Variants in LMAN2 observed in about 807,000 individuals in gnomAD.
The protein encoded by LMAN2 is lectin, mannose binding 2, also known as vesicular integral-membrane protein VIP36.
Under a neutral mutation model 39.3 loss-of-function variants are expected in LMAN2, and 22 were observed. The observed-to-expected ratio is 0.56, with a 90% CI of 0.40 to 0.80. The LOEUF (loss-of-function observed/expected upper bound fraction) is 0.80. Among genes scored for constraint, LMAN2 ranks in the 30% least tolerant of loss-of-function variants. The pLI is 0.00. For synonymous variants in LMAN2, 207 were observed against 207.8 expected, an observed-to-expected ratio of 1.00 and a Z score of 0.03; for missense variants, 494 against 505.4, an observed-to-expected ratio of 0.98 and a Z score of 0.22.
chr5:177,336,108 AAAAT>A (rs1449369652), intron 6 of LMAN2, among the ~76,000 whole-genome samples: 1 of 152,158 alleles, frequency 6.6e-6, no homozygotes, highest in African/African-American at 2.4e-5. Flanking sequence ...ATTATGAAGA[AAAAT>A]AAAGCCAGCA....
chr5:177,332,020 T>C lies in LMAN2; in HGVS notation c.*66A>G, dbSNP rs1761391784. 6.9e-7 allele frequency: 1 copy of C among 1,440,944 alleles called. No individual in the cohort carries two copies. Among genetic ancestry groups the C allele is most frequent in the Non-Finnish European group, 9.4e-7 (1 of 1,061,698 alleles). The allele number at this position is 1,440,944 out of a possible 1,614,324, so 89.3% of individuals were successfully genotyped here. A position where few individuals can be genotyped will look rare whatever the true frequency, so the allele number is the denominator to read the frequency against. On this transcript the variant is annotated 3_prime_UTR_variant, in exon 8 of 8. Coordinates refer to ENST00000303127, the MANE Select transcript of LMAN2 (RefSeq NM_006816.3). This position sits in a 1 kb window ranked among gnomAD's most constrained non-coding sequence, Gnocchi z 6.3. ...AGGTCATCTTGTTGTTCTTTTATAA[T>C]CCCGGTAAAAAAAAAAGTTCACATT... is the stretch of plus-strand genomic sequence containing the variant.
chr5:177,348,000 T>G (rs892044913), intron 2 of LMAN2, among the ~76,000 whole-genome samples: 11 of 152,044 alleles, frequency 7.2e-5, no homozygotes, highest in African/African-American at 2.7e-4. Context: ...CAACTACTAT[T>G]TAAGAGAACA....
Position 177,332,005 on chromosome 5 carries a change from G to A in LMAN2, c.*81C>T. On this transcript the variant is annotated 3_prime_UTR_variant, in exon 8 of 8. Coordinates refer to ENST00000303127, the MANE Select transcript of LMAN2 (RefSeq NM_006816.3). This position sits in a 1 kb window ranked among gnomAD's most constrained non-coding sequence, Gnocchi z 6.3. ...AACAGTTAAGAAATAAGGTCATCTTGTTGTTCTTTTATAATCCCGGTAAAA... is the reference window on the plus strand; with the variant it reads ...AACAGTTAAGAAATAAGGTCATCTTATTGTTCTTTTATAATCCCGGTAAAA... The A allele has an allele frequency of 2.2e-6, 3 of 1,351,360 alleles. No individual in the cohort carries two copies. Among genetic ancestry groups the A allele is most frequent in the Non-Finnish European group, 3.0e-6 (3 of 989,530 alleles). 83.7% of individuals were successfully genotyped at this position (1,351,360 alleles called of 1,614,324 possible).
Position 177,351,608 on chromosome 5 carries a change from G to GGCCCCA in LMAN2, c.34_39dup (p.Trp12_Gly13dup). The GGCCCCA allele has an allele frequency of 6.2e-7, 1 of 1,608,928 alleles. No homozygotes were observed. The highest frequency in any genetic ancestry group is 8.5e-7 in the Non-Finnish European group (1 of 1,178,316). ...AGCCCAGGCCTTCCCAGGCACCGCC[G>GGCCCCA]GCCCCAGCCCCAACGCCAAATCCAG... On this transcript the variant is annotated inframe_insertion, in exon 1 of 8. Coordinates refer to ENST00000303127, the MANE Select transcript of LMAN2 (RefSeq NM_006816.3).
Position 177,337,331 on chromosome 5 carries a change from C to T in LMAN2, c.675+32G>A, listed in dbSNP as rs1180107955. On this transcript the variant is annotated intron_variant, in intron 5 of 7. Coordinates refer to ENST00000303127, the MANE Select transcript of LMAN2 (RefSeq NM_006816.3). The surrounding 1 kb of genome is among the most constrained non-coding windows in gnomAD (Gnocchi z 8.2). ...CTCTGTGGGACCAGCACAGGGCCAC[C>T]AGCTGCCACCCCCACCGCCTAGCCT... is the stretch of plus-strand genomic sequence containing the variant. The T allele has an allele frequency of 4.3e-6, 7 of 1,610,206 alleles. No individual in the cohort carries two copies. The highest frequency in any genetic ancestry group is 5.9e-6 in the Non-Finnish European group (7 of 1,179,606).
At chr5:177,340,702 G>A (rs923337050) in intron 2 of LMAN2, among the ~76,000 whole-genome samples, 5 of 151,914 alleles carry the variant, frequency 3.3e-5, no homozygotes, top group African/African-American at 9.7e-5. Flanking sequence ...TCTGGGAGGT[G>A]GAGGTTGCAG....
intron 6 of LMAN2, chr5:177,336,893 C>A: frequency 3.5e-6 from 2 of 570,132 alleles, no homozygotes; most frequent in South Asian, 2.0e-5. Context: ...GCTCAGAAAC[C>A]ACAGGAACTG....
intron 2 of LMAN2, among the ~76,000 whole-genome samples, chr5:177,341,471 G>A (rs1470438269): frequency 6.6e-6 from 1 of 152,228 alleles, no homozygotes; most frequent in African/African-American, 2.4e-5. Context: ...GGCGGGAACA[G>A]CGGGAGCAAG....
At chr5:177,346,474 A>G in intron 2 of LMAN2, 1 of 258,484 alleles carries the variant, frequency 3.9e-6, no homozygotes, top group Non-Finnish European at 7.1e-6. Context: ...TTTTTTTTAA[A>G]AAAAGCAAGC....
Position 177,351,439 on chromosome 5 carries a change from C to T in LMAN2, c.196+13G>A. On this transcript the variant is annotated intron_variant, in intron 1 of 7. Coordinates refer to ENST00000303127, the MANE Select transcript of LMAN2 (RefSeq NM_006816.3). ...CCCTCACTCTTCACTCATTCCCGCC[C>T]CAAGGGCTTCACCTTGGTAGGGCTT... 5 of 1,610,888 alleles carry T rather than the reference C, an allele frequency of 3.1e-6. No individual in the cohort carries two copies. The highest frequency in any genetic ancestry group is 4.2e-6 in the Non-Finnish European group (5 of 1,178,050).
intron 2 of LMAN2, among the ~76,000 whole-genome samples, chr5:177,344,281 C>CT (rs59101629): frequency 0.018 from 1,445 of 82,306 alleles, 56 homozygotes; most frequent in African/African-American, 0.047. Context: ...CGCTTTGTTA[C>CT]TTTTTTTTTT....
chr5:177,337,695 C>A lies in LMAN2; in HGVS notation c.513+11G>T. The stretch of plus-strand genomic sequence containing the variant: ...TCCTTTCCTGCTCAGCAGGATAGAG[C>A]AGGGGCCTACCTCAGTGGTCTCATC... On this transcript the variant is annotated intron_variant, in intron 4 of 7. Transcript: ENST00000303127. The surrounding 1 kb of genome is among the most constrained non-coding windows in gnomAD (Gnocchi z 8.2). The A allele has an allele frequency of 6.2e-7, 1 of 1,613,524 alleles. No homozygotes were observed. Among genetic ancestry groups the A allele is most frequent in the Non-Finnish European group, 8.5e-7 (1 of 1,179,614 alleles).
intron 6 of LMAN2, among the ~76,000 whole-genome samples, chr5:177,336,176 GGCATCA>G (rs2127314586): frequency 6.6e-6 from 1 of 152,308 alleles, no homozygotes; most frequent in Non-Finnish European, 1.5e-5. Context: ...ATTCCACGAG[GGCATCA>G]GGGAAGGCCG....
chr5:177,334,296 T>C lies in LMAN2; in HGVS notation c.898A>G (p.Lys300Glu). The change falls in exon 7 of 8, where the codon AAG (lysine) becomes GAG (glutamate). Residue 300 changes from lysine (K) to glutamate (E), a missense_variant. Physicochemically the swap from Lys to Glu is moderately conservative, Grantham distance 56. Transcript: ENST00000303127. ...TKIEPSVNFL[K>E]SPKDNVDDPT... ...TGTGCACACGCACCTTTGGGCGACT[T>C]GAGGAAGTTGACGCTGGGCTCGATC... 1 of 1,612,168 alleles carries C rather than the reference T, an allele frequency of 6.2e-7. No individual in the cohort carries two copies. Among genetic ancestry groups the C allele is most frequent in the Non-Finnish European group, 8.5e-7 (1 of 1,179,886 alleles).
chr5:177,338,666 CA>C, intron 2 of LMAN2, 61 bp from the exon 3 acceptor site: 3 of 1,374,576 alleles, frequency 2.2e-6, no homozygotes, highest in Non-Finnish European at 3.1e-6. Context: ...AAGCTGGAGG[CA>C]ACCCCAGCAC....
Position 177,332,222 on chromosome 5 carries a change from T to C in LMAN2, c.935A>G (p.Asn312Ser), listed in dbSNP as rs1761397593. Reference protein sequence around the residue: ...PKDNVDDPTGNFRSGPLTGWR... With the variant: ...PKDNVDDPTGSFRSGPLTGWR... Reference sequence around the variant, plus strand: ...CCCCGTCAGGGGCCCGCTGCGGAAGTTCCCCGTGGGGTCGTCCACGTTGTC... The same window carrying C: ...CCCCGTCAGGGGCCCGCTGCGGAAGCTCCCCGTGGGGTCGTCCACGTTGTC... The change falls in exon 8 of 8, where the codon AAC (asparagine) becomes AGC (serine). Residue 312 changes from asparagine (N) to serine (S), a missense_variant. Asn to Ser is a conservative substitution (Grantham distance 46). Transcript: ENST00000303127. This position sits in a 1 kb window ranked among gnomAD's most constrained non-coding sequence, Gnocchi z 6.3. The C allele has an allele frequency of 6.2e-7, 1 of 1,612,968 alleles. No homozygotes were observed. The highest frequency in any genetic ancestry group is 8.5e-7 in the Non-Finnish European group (1 of 1,179,772).
chr5:177,348,544 T>C (rs1452466690), intron 2 of LMAN2, among the ~76,000 whole-genome samples: 2 of 151,874 alleles, frequency 1.3e-5, no homozygotes, highest in Non-Finnish European at 2.9e-5. Context: ...AAAAATTAGC[T>C]GGACATGGCA....
rs774051949 is a variant in LMAN2, at chr5:177,334,324, G to T, written c.870C>A (p.Thr290=). 1 of 1,613,178 alleles carries T rather than the reference G, an allele frequency of 6.2e-7. No homozygotes were observed. Among genetic ancestry groups the T allele is most frequent in the Non-Finnish European group, 8.5e-7 (1 of 1,180,014 alleles). ...HTPDEESIDW[T]KIEPSVNFLK... ...GGAAGTTGACGCTGGGCTCGATCTT[G>T]GTCCAGTCGATGCTCTCCTCGTCGG... Residue 290 remains threonine (T), a synonymous_variant, in exon 7 of 8, where the codon ACC becomes ACA. Coordinates refer to ENST00000303127, the MANE Select transcript of LMAN2 (RefSeq NM_006816.3).
At chr5:177,334,769 T>C (rs1761444482) in intron 6 of LMAN2, among the ~76,000 whole-genome samples, 1 of 152,180 alleles carries the variant, frequency 6.6e-6, no homozygotes, top group African/African-American at 2.4e-5. Flanking sequence ...ACACAGAAGA[T>C]GGCCTGCCTG....
Sources: allele counts gnomAD v4.1 joint callset (sites outside exome capture counted in the v4.1 genomes callset), GRCh38; gene constraint gnomAD v4.1.1; non-coding constraint Gnocchi (gnomAD v3.1); transcripts MANE v1.5; gene names NCBI Gene and HGNC (gene_info 2026-07-23, HGNC 2026-07-21).